Variants in NAV1 observed in about 807,000 individuals in gnomAD.
NAV1 encodes neuron navigator 1.
A neutral mutation model predicts 175.2 loss-of-function variants in NAV1; 18 were observed. The ratio of observed to expected loss-of-function variants is 0.10; its 90% CI spans 0.07 to 0.15. The LOEUF is 0.15. NAV1 is among the 10% of genes least tolerant of loss of function. The pLI is 1.00. For synonymous variants in NAV1, 897 were observed against 978.7 expected (o/e 0.92, Z 1.56); for missense variants, 1,731 against 2,436.6 (o/e 0.71, Z 6.10).
intron 17 of NAV1, 81 bp downstream of exon 21, chr1:201,804,578 C>CG: frequency 1.2e-6 from 1 of 814,148 alleles, no homozygotes; most frequent in Non-Finnish European, 1.8e-6. Context: ...CTCCCTTCCC[C>CG]TAAAAAAAAA....
intron 2 of NAV1, among the ~76,000 whole-genome samples, chr1:201,602,719 G>C (rs1667560293): frequency 6.8e-6 from 1 of 147,742 alleles, no homozygotes. Context: ...GGGCCACAGA[G>C]CCAGGCCTTC....
chr1:201,684,581 T>C (rs1399270262), intron 1 of NAV1, among the ~76,000 whole-genome samples: 1 of 150,846 alleles, frequency 6.6e-6, no homozygotes, highest in Non-Finnish European at 1.5e-5. Flanking sequence ...TTCAAGCGAT[T>C]CTCCTGCCTC....
chr1:201,704,115 C>G (rs185041558), intron 1 of NAV1, among the ~76,000 whole-genome samples: 5 of 152,218 alleles, frequency 3.3e-5, no homozygotes, highest in African/African-American at 9.6e-5. Context: ...CCAGGCCCTG[C>G]TCCCTCTCCC....
At chr1:201,565,588 G>A (rs1666332090) in intron 1 of NAV1, among the ~76,000 whole-genome samples, 1 of 152,256 alleles carries the variant, frequency 6.6e-6, no homozygotes, top group Admixed American at 6.5e-5. Flanking sequence ...GGGCAGAGAG[G>A]TTCCAAGTGG....
intron 1 of NAV1, among the ~76,000 whole-genome samples, chr1:201,584,333 A>T (rs566337530): frequency 1.3e-5 from 2 of 152,214 alleles, no homozygotes; most frequent in African/African-American, 4.8e-5. Flanking sequence ...TAGAGGGGGA[A>T]ATGTAACCTA....
At chr1:201,615,263 C>CTTTTTT (rs1256633287) in intron 2 of NAV1, among the ~76,000 whole-genome samples, 13 of 145,012 alleles carry the variant, frequency 9.0e-5, no homozygotes, top group African/African-American at 2.7e-4. Context: ...TTCTTTCTTT[C>CTTTTTT]TTTCTTTTTT....
chr1:201,577,384 T>C (rs1020174143), intron 1 of NAV1, among the ~76,000 whole-genome samples: 1 of 152,198 alleles, frequency 6.6e-6, no homozygotes, highest in Non-Finnish European at 1.5e-5. Flanking sequence ...TTTTAAAATA[T>C]TTTTTCCTCA....
intron 1 of NAV1, among the ~76,000 whole-genome samples, chr1:201,574,639 A>G (rs1666641685): frequency 1.3e-5 from 2 of 152,206 alleles, no homozygotes; most frequent in African/African-American, 2.4e-5. Flanking sequence ...GCAGCTTCCA[A>G]GGAAAGCTGG....
chr1:201,783,889 C>T (rs762614664), intron 7 of NAV1, 37 bp downstream of exon 11: 64 of 1,552,482 alleles, frequency 4.1e-5, no homozygotes, highest in East Asian at 6.8e-5. Context: ...GGCCTGTCTC[C>T]GTGTCTTGGG....
At chr1:201,722,284 G>A (rs928723556) in intron 3 of NAV1, among the ~76,000 whole-genome samples, 5 of 152,110 alleles carry the variant, frequency 3.3e-5, no homozygotes, top group African/African-American at 9.7e-5. Context: ...GCTCCTGGGA[G>A]CCACCATTCT....
At chr1:201,647,708 G>A (rs1333356994), upstream of NAV1, among the ~76,000 whole-genome samples, 3 of 152,082 alleles carry the variant, frequency 2.0e-5, no homozygotes, top group Non-Finnish European at 4.4e-5. Context: ...GAAGTAGGGC[G>A]GGACTGGGAG....
chr1:201,765,950 A>G (rs907384078), intron 3 of NAV1, among the ~76,000 whole-genome samples: 3 of 152,234 alleles, frequency 2.0e-5, no homozygotes, highest in Admixed American at 2.0e-4. Context: ...AATTAATCAG[A>G]TAGTTCTGTG....
At chr1:201,726,466 A>G (rs1474372064) in intron 3 of NAV1, among the ~76,000 whole-genome samples, 1 of 152,020 alleles carries the variant, frequency 6.6e-6, no homozygotes, top group Non-Finnish European at 1.5e-5. Context: ...CAACAACAAC[A>G]TGATGAAACC....
At chr1:201,562,925 T>C (rs2102465945) in intron 1 of NAV1, among the ~76,000 whole-genome samples, 1 of 152,312 alleles carries the variant, frequency 6.6e-6, no homozygotes, top group South Asian at 2.1e-4. Context: ...AGCATCAGTT[T>C]CCTTTTCTGA....
At chr1:201,691,979 G>A (rs1169853432) in intron 1 of NAV1, among the ~76,000 whole-genome samples, 1 of 152,202 alleles carries the variant, frequency 6.6e-6, no homozygotes, top group African/African-American at 2.4e-5. Context: ...GGAGGCATTA[G>A]CCTCTCTTGG....
intron 2 of NAV1, among the ~76,000 whole-genome samples, chr1:201,638,483 CA>C (rs1668667510): frequency 6.6e-6 from 1 of 152,212 alleles, no homozygotes; most frequent in Non-Finnish European, 1.5e-5. Flanking sequence ...GCAGGAGAGT[CA>C]GGGCCCTCCT....
chr1:201,783,871 A>G lies in NAV1; in HGVS notation c.2804+19A>G. 1 of 1,586,534 alleles carries G rather than the reference A, an allele frequency of 6.3e-7. No individual in the cohort carries two copies. Among genetic ancestry groups the G allele is most frequent in the Non-Finnish European group, 8.6e-7 (1 of 1,164,196 alleles). Reference sequence around the variant, plus strand: ...TGGACAGGTAGGTAGAAAAGACAGCAGAACCTCGGCCTGTCTCCGTGTCTT... The same window carrying G: ...TGGACAGGTAGGTAGAAAAGACAGCGGAACCTCGGCCTGTCTCCGTGTCTT... On this transcript the variant is annotated intron_variant, in intron 7 of 29. Coordinates refer to ENST00000367296, the Ensembl canonical transcript of NAV1.
intron 1 of NAV1, among the ~76,000 whole-genome samples, chr1:201,707,048 T>C (rs899463938): frequency 2.0e-5 from 3 of 152,094 alleles, no homozygotes; most frequent in African/African-American, 7.2e-5. Flanking sequence ...GAGAACGGGA[T>C]TGAAGATATT....
intron 3 of NAV1, among the ~76,000 whole-genome samples, chr1:201,741,134 G>T (rs1673393065): frequency 6.6e-6 from 1 of 152,218 alleles, no homozygotes; most frequent in East Asian, 1.9e-4. Flanking sequence ...TACCCTCCAG[G>T]GGCTCAATTA....
Sources: gnomAD v4.1 joint callset for allele counts (sites outside exome capture counted in the v4.1 genomes callset) on GRCh38, gnomAD v4.1.1 for gene constraint, MANE v1.5 for transcripts, NCBI Gene and HGNC (gene_info 2026-07-23, HGNC 2026-07-21) for gene names.